ATG10: variants seen among roughly 807,000 people sequenced by gnomAD.
ATG10 encodes the protein autophagy related 10.
Under a neutral mutation model 32.1 loss-of-function variants are expected in ATG10, and 30 were observed. The ratio of observed to expected loss-of-function variants is 0.94; its 90% CI spans 0.70 to 1.27. The LOEUF is 1.27. ATG10 is among the 50% of genes most tolerant of loss of function. The probability of loss-of-function intolerance (pLI) is 0.00; values close to 1 mark genes in which losing one functional copy is unlikely to be tolerated. For missense variants in ATG10, 233 were observed against 262.3 expected (o/e 0.89, Z 0.77); for synonymous variants, 87 against 91.5 (o/e 0.95, Z 0.28).
chr5:82,087,953 T>A (rs745721726), intron 3 of ATG10, among the ~76,000 whole-genome samples: 1 of 152,202 alleles, frequency 6.6e-6, no homozygotes, highest in Non-Finnish European at 1.5e-5. Flanking sequence ...TATGTACAGC[T>A]TTTTGTTTAC....
intron 3 of ATG10, among the ~76,000 whole-genome samples, chr5:82,138,927 C>T (rs536717633): frequency 3.5e-5 from 5 of 142,306 alleles, no homozygotes; most frequent in Non-Finnish European, 7.6e-5. Context: ...GTACTGCTGC[C>T]ATCTCGGCTC....
chr5:82,118,327 T>TAC (rs1277343143), intron 3 of ATG10, among the ~76,000 whole-genome samples: 1 of 141,320 alleles, frequency 7.1e-6, no homozygotes, highest in African/African-American at 2.6e-5. Context: ...TATATATATA[T>TAC]ACACACAAAT....
At chr5:82,096,743 C>T (rs1351843404) in intron 3 of ATG10, among the ~76,000 whole-genome samples, 1 of 152,090 alleles carries the variant, frequency 6.6e-6, no homozygotes, top group African/African-American at 2.4e-5. Flanking sequence ...GCGAAAGTTT[C>T]TATGAACCAA....
intron 2 of ATG10, chr5:82,010,083 G>A: frequency 2.5e-6 from 4 of 1,608,420 alleles, no homozygotes; most frequent in Non-Finnish European, 3.4e-6. Flanking sequence ...GAACACGGTG[G>A]GGTTGACCAT....
At chr5:82,119,491 C>G (rs1425393442) in intron 3 of ATG10, among the ~76,000 whole-genome samples, 4 of 152,244 alleles carry the variant, frequency 2.6e-5, no homozygotes, top group Non-Finnish European at 4.4e-5. Flanking sequence ...TGGAATCTCT[C>G]TCTCTGTGGC....
chr5:82,011,457 T>TA (rs1233260204), intron 2 of ATG10, among the ~76,000 whole-genome samples: 2 of 152,234 alleles, frequency 1.3e-5, no homozygotes, highest in Non-Finnish European at 2.9e-5. Flanking sequence ...GGTGATCTTA[T>TA]AAAATGCAAT....
intron 2 of ATG10, among the ~76,000 whole-genome samples, chr5:82,056,429 G>GTT (rs375167558): frequency 0.017 from 2,148 of 125,382 alleles, 59 homozygotes; most frequent in African/African-American, 0.036. Flanking sequence ...TGGCTGCCAG[G>GTT]TTTTTTTTTT....
At chr5:82,248,393 A>G (rs1747116772) in intron 5 of ATG10, among the ~76,000 whole-genome samples, 2 of 152,198 alleles carry the variant, frequency 1.3e-5, no homozygotes, top group Admixed American at 1.3e-4. Context: ...CTACACAGTT[A>G]TTGGCTCTTA....
chr5:82,146,054 T>C (rs1767346089), intron 3 of ATG10, among the ~76,000 whole-genome samples: 1 of 152,310 alleles, frequency 6.6e-6, no homozygotes, highest in Middle Eastern at 3.4e-3. Context: ...TCTTAACTTA[T>C]GCCTAAATTC....
At chr5:82,117,787 G>T (rs549458666) in intron 3 of ATG10, among the ~76,000 whole-genome samples, 56 of 152,118 alleles carry the variant, frequency 3.7e-4, no homozygotes, top group Admixed American at 3.0e-3. Flanking sequence ...AGGGCACAGG[G>T]GATTGAGAGA....
intron 3 of ATG10, among the ~76,000 whole-genome samples, chr5:82,088,842 A>G: frequency 6.6e-6 from 1 of 152,174 alleles, no homozygotes; most frequent in Non-Finnish European, 1.5e-5. Context: ...GTAGTAAGGG[A>G]AAGAGCTGGA....
intron 2 of ATG10, among the ~76,000 whole-genome samples, chr5:82,057,396 G>T (rs1763636699): frequency 6.6e-6 from 1 of 152,134 alleles, no homozygotes; most frequent in South Asian, 2.1e-4. Flanking sequence ...CCCACCAGAG[G>T]CTTTAGGGAA....
intron 3 of ATG10, among the ~76,000 whole-genome samples, chr5:82,108,658 A>G (rs995796185): frequency 6.6e-6 from 1 of 152,032 alleles, no homozygotes; most frequent in Non-Finnish European, 1.5e-5. Flanking sequence ...TCTTTTTATC[A>G]TGTTATGCTG....
At chr5:82,002,457 A>G (rs1761877071) in intron 2 of ATG10, among the ~76,000 whole-genome samples, 1 of 152,240 alleles carries the variant, frequency 6.6e-6, no homozygotes, top group Non-Finnish European at 1.5e-5. Flanking sequence ...ATACTTATGT[A>G]GCCATAAAAA....
At chr5:82,225,635 G>A (rs1159570876) in intron 5 of ATG10, among the ~76,000 whole-genome samples, 9 of 152,186 alleles carry the variant, frequency 5.9e-5, no homozygotes, top group Non-Finnish European at 1.2e-4. Context: ...TATGGCCTCT[G>A]CTGCCTTAAC....
intron 4 of ATG10, among the ~76,000 whole-genome samples, chr5:82,174,982 G>A (rs1395293607): frequency 2.6e-5 from 4 of 152,080 alleles, no homozygotes; most frequent in Non-Finnish European, 5.9e-5. Flanking sequence ...TTGGAAGTTG[G>A]AGACCATGGT....
intron 5 of ATG10, among the ~76,000 whole-genome samples, chr5:82,251,137 C>T (rs921331032): frequency 2.0e-5 from 3 of 152,208 alleles, no homozygotes; most frequent in Admixed American, 6.5e-5. Context: ...TCCCTCACCA[C>T]CACCACCCCA....
intron 3 of ATG10, among the ~76,000 whole-genome samples, chr5:82,158,488 A>G (rs955904664): frequency 6.6e-6 from 1 of 152,070 alleles, no homozygotes. Context: ...ACTGAGCAAT[A>G]TAGTATAGCT....
chr5:82,010,052 G>A lies in ATG10; in HGVS notation c.108+22374G>A, dbSNP rs553750671. 8 of 1,610,414 alleles carry A rather than the reference G, an allele frequency of 5.0e-6. No individual in the cohort carries two copies. In the East Asian group the frequency reaches 6.7e-5, roughly 13 times the overall value. Reference sequence around the variant, plus strand: ...CAAAGGAGACGCGGCCCAAGGGCTCGCCATCGACGGCAATGTCGAAGAACA... The same window carrying A: ...CAAAGGAGACGCGGCCCAAGGGCTCACCATCGACGGCAATGTCGAAGAACA... On this transcript the variant is annotated intron_variant, in intron 2 of 7. Coordinates refer to ENST00000282185, the MANE Select transcript of ATG10 (RefSeq NM_031482.5).
Sources: gnomAD v4.1 joint callset for allele counts (sites outside exome capture counted in the v4.1 genomes callset) on GRCh38, gnomAD v4.1.1 for gene constraint, MANE v1.5 for transcripts, NCBI Gene and HGNC (gene_info 2026-07-23, HGNC 2026-07-21) for gene names.